The following IFT56 variants were observed in gnomAD, a reference collection of about 807,000 sequenced individuals.
IFT56 encodes the protein intraflagellar transport protein 56.
At chr7:139,177,565 GTTTTATA>G in the IFT56 span, among the ~76,000 whole-genome samples, 1 of 149,966 alleles carries the variant, frequency 6.7e-6, no homozygotes, top group Non-Finnish European at 1.5e-5. Flanking sequence ...ATAACTGATT[GTTTTATA>G]TTTTATATGT....
chr7:139,135,803 C>T, the IFT56 span, among the ~76,000 whole-genome samples: 2 of 152,166 alleles, frequency 1.3e-5, no homozygotes, highest in Non-Finnish European at 2.9e-5. Flanking sequence ...TGTTGTACCA[C>T]ACTCATTTCT....
At chr7:139,137,494 G>A in the IFT56 span, among the ~76,000 whole-genome samples, 5 of 152,332 alleles carry the variant, frequency 3.3e-5, no homozygotes, top group East Asian at 1.9e-4. Context: ...CATACTGGCC[G>A]TGTGGCCTTG....
chr7:139,177,261 A>G, the IFT56 span, among the ~76,000 whole-genome samples: 2 of 151,448 alleles, frequency 1.3e-5, no homozygotes, highest in Non-Finnish European at 2.9e-5. Context: ...TTTATACTAC[A>G]TATGTATATC....
chr7:139,154,240 A>C, the IFT56 span, among the ~76,000 whole-genome samples: 4 of 152,068 alleles, frequency 2.6e-5, no homozygotes, highest in African/African-American at 9.7e-5. Context: ...TCAGTCCCTT[A>C]TCAGATACAC....
the IFT56 span, chr7:139,146,939 T>C: frequency 6.8e-7 from 1 of 1,469,460 alleles, no homozygotes; most frequent in East Asian, 2.6e-5. Context: ...CCATTGTCGT[T>C]GTCAAGCTAT....
chr7:139,135,418 CA>C, the IFT56 span, among the ~76,000 whole-genome samples: 1 of 152,092 alleles, frequency 6.6e-6, no homozygotes, highest in Non-Finnish European at 1.5e-5. Flanking sequence ...TTGCTTATCC[CA>C]ACCCTTGACC....
At chr7:139,140,773 C>CT in the IFT56 span, among the ~76,000 whole-genome samples, 2 of 17,312 alleles carry the variant, frequency 1.2e-4, no homozygotes, top group East Asian at 3.1e-3. Context: ...GAAACTCCAC[C>CT]TCAAAAAAAA....
At chr7:139,152,154 G>A in the IFT56 span, among the ~76,000 whole-genome samples, 2 of 152,192 alleles carry the variant, frequency 1.3e-5, no homozygotes, top group African/African-American at 2.4e-5. Flanking sequence ...TTTAGAGACA[G>A]TGTCTCACTG....
the IFT56 span, among the ~76,000 whole-genome samples, chr7:139,182,087 GGTGT>G: frequency 1.3e-5 from 2 of 151,958 alleles, no homozygotes; most frequent in African/African-American, 4.8e-5. Context: ...TGCATGCTGG[GGTGT>G]GTGTGTGGAG....
At chr7:139,160,138 T>A in the IFT56 span, among the ~76,000 whole-genome samples, 1 of 152,104 alleles carries the variant, frequency 6.6e-6, no homozygotes, top group Non-Finnish European at 1.5e-5. Flanking sequence ...TGAGCAGACA[T>A]GCACTCCCAA....
chr7:139,189,503 A>G, the IFT56 span: 1 of 1,056,276 alleles, frequency 9.5e-7, no homozygotes, highest in Non-Finnish European at 1.5e-6. Context: ...ACTCCAGTTT[A>G]ATCTGTGATA....
the IFT56 span, chr7:139,165,176 C>A: frequency 6.2e-7 from 1 of 1,613,540 alleles, no homozygotes; most frequent in East Asian, 2.2e-5. Flanking sequence ...TTTTACCTCC[C>A]CTAGTTGATG....
the IFT56 span, among the ~76,000 whole-genome samples, chr7:139,181,715 T>C: frequency 3.7e-4 from 56 of 152,244 alleles, no homozygotes; most frequent in African/African-American, 9.9e-4. Flanking sequence ...TATTGCTCCC[T>C]AGGCTACAAA....
chr7:139,171,965 T>C, the IFT56 span, among the ~76,000 whole-genome samples: 3 of 152,142 alleles, frequency 2.0e-5, no homozygotes, highest in Non-Finnish European at 2.9e-5. Flanking sequence ...TAATGTTTCA[T>C]AGAGAGGGAA....
the IFT56 span, chr7:139,142,437 T>G: frequency 1.3e-6 from 1 of 772,416 alleles, no homozygotes; most frequent in Non-Finnish European, 2.1e-6. Flanking sequence ...AAGTGGAATA[T>G]AACTGTTAAT....
At chr7:139,184,813 G>C in the IFT56 span, among the ~76,000 whole-genome samples, 1 of 150,734 alleles carries the variant, frequency 6.6e-6, no homozygotes, top group African/African-American at 2.5e-5. Flanking sequence ...CCAGCACTTT[G>C]GGAGGCTGAG....
chr7:139,134,273 A>AT, the IFT56 span, among the ~76,000 whole-genome samples: 1,766 of 141,340 alleles, frequency 0.012, 16 homozygotes, highest in Non-Finnish European at 0.016. Context: ...TTGACTTATA[A>AT]TTTTTTTTTT....
chr7:139,187,418 T>C, the IFT56 span: 1 of 1,614,194 alleles, frequency 6.2e-7, no homozygotes, highest in East Asian at 2.2e-5. Flanking sequence ...GGGCCAGTTT[T>C]ACTATTCTGC....
the IFT56 span, among the ~76,000 whole-genome samples, chr7:139,145,033 G>T: frequency 6.6e-6 from 1 of 152,106 alleles, no homozygotes; most frequent in Non-Finnish European, 1.5e-5. Context: ...GGATGCTTTT[G>T]TCTTCTTCCA....
Sources: gnomAD v4.1 joint callset for allele counts (sites outside exome capture counted in the v4.1 genomes callset) on GRCh38, gnomAD v4.1.1 for gene constraint, MANE v1.5 for transcripts, NCBI Gene and HGNC (gene_info 2026-07-23, HGNC 2026-07-21) for gene names.